NTRK2: variants seen among roughly 807,000 people sequenced by gnomAD.
The protein encoded by NTRK2 is neurotrophic receptor tyrosine kinase 2, also known as BDNF/NT-3 growth factors receptor.
In NTRK2, 13 loss-of-function variants were observed where a neutral mutation model predicts 94.5. That is an observed-to-expected ratio of 0.14 (90% CI 0.09 to 0.22). The LOEUF (loss-of-function observed/expected upper bound fraction) is 0.22. Ranked by LOEUF, NTRK2 falls within the 10% of genes least tolerant of loss-of-function variation. The pLI, the probability that NTRK2 is intolerant of heterozygous loss-of-function variation, is 1.00. For synonymous variants in NTRK2, 372 were observed against 407.4 expected (o/e 0.91, Z 1.05); for missense variants, 639 against 1,071.2 (o/e 0.60, Z 5.63).
At chr9:84,904,884 C>T (rs1256782571) in intron 14 of NTRK2, among the ~76,000 whole-genome samples, 4 of 152,206 alleles carry the variant, frequency 2.6e-5, no homozygotes, top group Admixed American at 6.5e-5. Context: ...AGTTTTTAAA[C>T]CTCCAGCTTT....
intron 12 of NTRK2, among the ~76,000 whole-genome samples, chr9:84,791,081 C>A (rs2068679195): frequency 6.6e-6 from 1 of 152,122 alleles, no homozygotes; most frequent in Admixed American, 6.5e-5. Flanking sequence ...AATGTCAGAG[C>A]TTTTTAACGC....
rs1443151787 is a variant in NTRK2 at position 85,023,933 on chromosome 9, A to G, written c.*2496A>G. The stretch of plus-strand genomic sequence containing the variant: ...AAGGAGGAATGTGCAATTTTAGAGC[A>G]AAGATTTGTTTAAGGCAAATGAGAC... On this transcript the variant is annotated 3_prime_UTR_variant, in exon 19 of 19. Transcript: ENST00000277120. 10 of 230,124 alleles carry G rather than the reference A, an allele frequency of 4.3e-5. No homozygotes were observed. The Admixed American group carries it at 5.6e-4, about 13-fold the overall frequency. 14.3% of individuals were successfully genotyped at this position (230,124 alleles called of 1,614,324 possible).
chr9:84,867,972 G>T (rs538875969), intron 14 of NTRK2, among the ~76,000 whole-genome samples: 79 of 152,292 alleles, frequency 5.2e-4, no homozygotes, highest in African/African-American at 1.8e-3. Flanking sequence ...GGCAGCAGAT[G>T]ATTTGCATAT....
intron 11 of NTRK2, among the ~76,000 whole-genome samples, chr9:84,747,060 G>C (rs1359670216): frequency 6.6e-6 from 1 of 152,058 alleles, no homozygotes; most frequent in Non-Finnish European, 1.5e-5. Context: ...ATTGGAAAGG[G>C]GTGATCCATT....
intron 9 of NTRK2, among the ~76,000 whole-genome samples, chr9:84,740,145 T>G (rs994649301): frequency 1.3e-5 from 2 of 152,150 alleles, no homozygotes; most frequent in Admixed American, 1.3e-4. Context: ...GGTAGTAAAT[T>G]CCCATGGTGA....
chr9:84,981,560 A>G (rs891014151), intron 17 of NTRK2, among the ~76,000 whole-genome samples: 2 of 152,204 alleles, frequency 1.3e-5, no homozygotes, highest in Non-Finnish European at 2.9e-5. Context: ...GAAACAAAAT[A>G]TAATTTATTT....
At chr9:84,935,183 CATAAT>C (rs950842987) in intron 15 of NTRK2, among the ~76,000 whole-genome samples, 2 of 151,954 alleles carry the variant, frequency 1.3e-5, no homozygotes, top group Admixed American at 6.6e-5. Context: ...AAGTTCTTGA[CATAAT>C]ATAAGATTAT....
At chr9:84,864,761 A>C (rs1336072356) in intron 13 of NTRK2, among the ~76,000 whole-genome samples, 1 of 108,928 alleles carries the variant, frequency 9.2e-6, no homozygotes, top group Non-Finnish European at 1.9e-5. Context: ...TTTTTTTTGA[A>C]ACTGAGTCTC....
intron 17 of NTRK2, among the ~76,000 whole-genome samples, chr9:84,960,111 A>C (rs925897131): frequency 1.3e-5 from 2 of 152,250 alleles, no homozygotes; most frequent in Non-Finnish European, 2.9e-5. Context: ...ATTTACAGAA[A>C]CAAATGAATA....
intron 12 of NTRK2, among the ~76,000 whole-genome samples, chr9:84,854,704 T>A (rs917013156): frequency 6.6e-6 from 1 of 152,010 alleles, no homozygotes; most frequent in African/African-American, 2.4e-5. Context: ...CCCAGCACTT[T>A]AAGAGGCCGA....
chr9:84,722,423 T>G (rs1404376460), intron 6 of NTRK2, among the ~76,000 whole-genome samples: 2 of 152,170 alleles, frequency 1.3e-5, no homozygotes, highest in African/African-American at 2.4e-5. Flanking sequence ...TCCATAATAA[T>G]GTGAAGACGA....
At chr9:84,992,586 A>G (rs1386351325) in intron 17 of NTRK2, among the ~76,000 whole-genome samples, 2 of 152,114 alleles carry the variant, frequency 1.3e-5, no homozygotes, top group Non-Finnish European at 2.9e-5. Flanking sequence ...CGTGCCTGGC[A>G]AAGAACAGAA....
Position 85,025,051 on chromosome 9 carries a change from C to T in NTRK2, c.*3614C>T, listed in dbSNP as rs1442041702. On this transcript the variant is annotated 3_prime_UTR_variant, in exon 19 of 19. Coordinates refer to ENST00000277120, the MANE Select transcript of NTRK2 (RefSeq NM_006180.6). ...GTATGAATAATTTGCTTAAAATATG[C>T]TAAATAACCAAAACTGTTTAACGTC... 1 of 232,942 alleles carries T rather than the reference C, an allele frequency of 4.3e-6. No individual in the cohort carries two copies. Among genetic ancestry groups the T allele is most frequent in the Non-Finnish European group, 8.5e-6 (1 of 117,948 alleles). The allele number at this position is 232,942 out of a possible 1,614,324, so 14.4% of individuals were successfully genotyped here. A position where few individuals can be genotyped will look rare whatever the true frequency, so the allele number is the denominator to read the frequency against.
At chr9:84,683,116 T>C (rs748452877) in intron 2 of NTRK2, among the ~76,000 whole-genome samples, 9 of 152,186 alleles carry the variant, frequency 5.9e-5, no homozygotes, top group Non-Finnish European at 1.2e-4. Flanking sequence ...GAAATGTTCC[T>C]AGAATTTGAA....
chr9:84,671,963 CA>C (rs1428511965), intron 2 of NTRK2, among the ~76,000 whole-genome samples: 1 of 152,164 alleles, frequency 6.6e-6, no homozygotes, highest in Admixed American at 6.5e-5. Context: ...ATCTCATTAA[CA>C]TGAGATTTTA....
intron 8 of NTRK2, among the ~76,000 whole-genome samples, chr9:84,725,018 G>A (rs1405042866): frequency 6.6e-6 from 1 of 152,054 alleles, no homozygotes; most frequent in African/African-American, 2.4e-5. Flanking sequence ...TCCAAATTAT[G>A]GCTTTTAGCA....
intron 11 of NTRK2, among the ~76,000 whole-genome samples, chr9:84,749,259 G>A (rs1328601913): frequency 6.6e-6 from 1 of 151,944 alleles, no homozygotes; most frequent in Non-Finnish European, 1.5e-5. Context: ...TCAAACATTT[G>A]CAGAAGCGTT....
intron 14 of NTRK2, chr9:84,874,600 T>C (rs2075997489): frequency 9.4e-7 from 1 of 1,062,254 alleles, no homozygotes. Context: ...GAAGAAACAC[T>C]TTCTCTAACC....
chr9:84,800,209 CT>C (rs11403600), intron 12 of NTRK2, among the ~76,000 whole-genome samples: 9,761 of 149,352 alleles, frequency 0.065, 1,032 homozygotes, highest in African/African-American at 0.22. Flanking sequence ...TAGTTTCTTT[CT>C]TTTTTTTTTT....
Sources: allele counts gnomAD v4.1 joint callset (sites outside exome capture counted in the v4.1 genomes callset), GRCh38; gene constraint gnomAD v4.1.1; transcripts MANE v1.5; gene names NCBI Gene and HGNC (gene_info 2026-07-23, HGNC 2026-07-21).